SCML4: variants seen among roughly 807,000 people sequenced by gnomAD.
SCML4 encodes the protein sex comb on midleg-like protein 4.
SCML4 carries 34 observed loss-of-function variants against 41.1 expected under a neutral mutation model. That is an observed-to-expected ratio of 0.83 (90% CI 0.63 to 1.10). The LOEUF (loss-of-function observed/expected upper bound fraction) is 1.10. SCML4 is among the 50% of genes least tolerant of loss of function. The probability of loss-of-function intolerance (pLI) is 0.00; values close to 1 mark genes in which losing one functional copy is unlikely to be tolerated. For synonymous variants in SCML4, 214 were observed against 220.9 expected (o/e 0.97, Z 0.28); for missense variants, 522 against 534.1 (o/e 0.98, Z 0.22).
chr6:107,795,529 AT>A (rs1304500436), intron 1 of SCML4, among the ~76,000 whole-genome samples: 1 of 152,050 alleles, frequency 6.6e-6, no homozygotes, highest in Non-Finnish European at 1.5e-5. Context: ...CCTTAGAAAT[AT>A]TCTTTTTTTT....
rs551620845 is a variant in SCML4 at position 107,707,051 on chromosome 6, C to T, written c.1119+815G>A. On this transcript the variant is annotated intron_variant, in intron 7 of 7. Transcript: ENST00000369020. ...GTTACAGCACAATATAAAATGAGTA[C>T]AGTGCCATGCGCGGTGGCTCACACC... Among the ~76,000 whole-genome samples the T allele has an allele frequency of 7.2e-5, 11 of 152,270 alleles. No homozygotes were observed. In the South Asian group the frequency reaches 2.3e-3, roughly 32 times the overall value.
intron 1 of SCML4, among the ~76,000 whole-genome samples, chr6:107,806,193 C>CCG (rs1554223537): frequency 2.0e-4 from 13 of 64,272 alleles, no homozygotes; most frequent in African/African-American, 4.3e-4. Context: ...ATTTCCCCCC[C>CCG]CCCAATAAAC....
chr6:107,798,743 C>T (rs944142017), intron 1 of SCML4, among the ~76,000 whole-genome samples: 2 of 152,082 alleles, frequency 1.3e-5, no homozygotes, highest in African/African-American at 4.8e-5. Flanking sequence ...ACAAATTCCC[C>T]TCTACTCGTC....
chr6:107,783,721 C>T (rs1444793298), intron 1 of SCML4, among the ~76,000 whole-genome samples: 2 of 151,544 alleles, frequency 1.3e-5, no homozygotes, highest in South Asian at 2.1e-4. Context: ...TCTGAGTTTG[C>T]CTGATGGCAG....
chr6:107,741,091 G>C (rs1477032167), intron 5 of SCML4, among the ~76,000 whole-genome samples: 1 of 152,110 alleles, frequency 6.6e-6, no homozygotes, highest in African/African-American at 2.4e-5. Context: ...AAAGTTTCGA[G>C]GCCGACTTCA....
At chr6:107,705,649 G>A (rs1773539016) in intron 7 of SCML4, among the ~76,000 whole-genome samples, 1 of 152,036 alleles carries the variant, frequency 6.6e-6, no homozygotes, top group Admixed American at 6.5e-5. Context: ...ATCCAAACTT[G>A]GCTAAAGGGG....
upstream of SCML4, among the ~76,000 whole-genome samples, chr6:107,828,861 C>G (rs116923143): frequency 4.1e-3 from 626 of 152,274 alleles, 5 homozygotes; most frequent in Non-Finnish European, 6.5e-3. Context: ...ATCTTAGCTT[C>G]AACTACTCAA....
rs534301160 is a variant in SCML4 at position 107,705,336 on chromosome 6, A to T, written c.1120-11T>A. 5.8e-6 allele frequency: 9 copies of T among 1,551,368 alleles called. No individual in the cohort carries two copies. The Admixed American group carries it at 1.8e-4, about 30-fold the overall frequency. On this transcript the variant is annotated splice_polypyrimidine_tract_variant and intron_variant, in intron 7 of 7. Coordinates refer to ENST00000369020, the MANE Select transcript of SCML4 (RefSeq NM_198081.5). ...GTTGCCATCAATCTCCTGGTGGGAT[A>T]GGATCAGAAGAAAGATAAACCCAGA... is the stretch of plus-strand genomic sequence containing the variant.
intron 2 of SCML4, among the ~76,000 whole-genome samples, chr6:107,757,902 G>A (rs550470480): frequency 1.3e-4 from 20 of 152,276 alleles, no homozygotes; most frequent in African/African-American, 4.3e-4. Context: ...CACATCTTCA[G>A]AAATCTCTGC....
chr6:107,784,210 C>A (rs1781711978), intron 1 of SCML4, among the ~76,000 whole-genome samples: 2 of 152,268 alleles, frequency 1.3e-5, no homozygotes, highest in Middle Eastern at 3.4e-3. Context: ...AGGGAAATTC[C>A]TATCTTTCCT....
chr6:107,717,945 G>A (rs6568489), intron 6 of SCML4, among the ~76,000 whole-genome samples: 81,897 of 152,088 alleles, frequency 0.54, 23,662 homozygotes, highest in Middle Eastern at 0.69. Context: ...GGTGGACTCC[G>A]TGTCTCTGAT....
intron 6 of SCML4, among the ~76,000 whole-genome samples, chr6:107,711,849 C>T (rs565350474): frequency 6.6e-6 from 1 of 152,192 alleles, no homozygotes; most frequent in South Asian, 2.1e-4. Flanking sequence ...TCTCTGTCTC[C>T]TTCCTCCTTT....
intron 1 of SCML4, among the ~76,000 whole-genome samples, chr6:107,818,472 C>T (rs1250549315): frequency 6.6e-6 from 1 of 152,228 alleles, no homozygotes; most frequent in Admixed American, 6.5e-5. Context: ...GAATCAACAG[C>T]ATGTCTTAAT....
At chr6:107,819,634 G>C (rs12214724) in intron 1 of SCML4, among the ~76,000 whole-genome samples, 31,286 of 148,512 alleles carry the variant, frequency 0.21, 3,886 homozygotes, top group African/African-American at 0.35. Flanking sequence ...GCAATGGTGG[G>C]TTGCATTTAT....
At chr6:107,793,415 G>A (rs757384054) in intron 1 of SCML4, among the ~76,000 whole-genome samples, 2 of 152,154 alleles carry the variant, frequency 1.3e-5, no homozygotes, top group Non-Finnish European at 1.5e-5. Context: ...CCAATAACTG[G>A]GAAGCGTACA....
intron 2 of SCML4, among the ~76,000 whole-genome samples, chr6:107,750,793 A>G (rs540886357): frequency 6.6e-6 from 1 of 152,338 alleles, no homozygotes; most frequent in Non-Finnish European, 1.5e-5. Context: ...GGTCTGGGAC[A>G]GGAGATTCTG....
chr6:107,708,900 T>G (rs1207522683), intron 6 of SCML4, among the ~76,000 whole-genome samples: 1 of 152,184 alleles, frequency 6.6e-6, no homozygotes, highest in Non-Finnish European at 1.5e-5. Flanking sequence ...TTCATCCTCT[T>G]TCCCTAGAGC....
rs779845124 is a variant in SCML4 at position 107,720,792 on chromosome 6, A to G, written c.884T>C (p.Met295Thr). ...ATAGGPRTSPMSSGGPSAPGL... is the reference protein window; with the variant it reads ...ATAGGPRTSPTSSGGPSAPGL... ...AGGTGCCGAGGGGCCACCAGAAGACATGGGGCTAGTGCGGGGACCACCAGC... is the reference window on the plus strand; with the variant it reads ...AGGTGCCGAGGGGCCACCAGAAGACGTGGGGCTAGTGCGGGGACCACCAGC... Residue 295 changes from methionine to threonine, a missense_variant, in exon 6 of 8, where the codon ATG becomes ACG. Physicochemically the swap from Met to Thr is moderately conservative, Grantham distance 81. Coordinates refer to ENST00000369020, the MANE Select transcript of SCML4 (RefSeq NM_198081.5). 6.2e-7 allele frequency: 1 copy of G among 1,613,924 alleles called. No individual in the cohort carries two copies. The highest frequency in any genetic ancestry group is 8.5e-7 in the Non-Finnish European group (1 of 1,179,916).
chr6:107,797,278 T>C (rs1782780781), intron 1 of SCML4, among the ~76,000 whole-genome samples: 1 of 152,124 alleles, frequency 6.6e-6, no homozygotes, highest in Non-Finnish European at 1.5e-5. Context: ...GGTATATCTC[T>C]CCATTTACTT....
Sources: allele counts gnomAD v4.1 joint callset (sites outside exome capture counted in the v4.1 genomes callset), GRCh38; gene constraint gnomAD v4.1.1; transcripts MANE v1.5; gene names NCBI Gene and HGNC (gene_info 2026-07-23, HGNC 2026-07-21).